SUPT20H: variants seen among roughly 807,000 people sequenced by gnomAD.
SUPT20H encodes SPT20 homolog, SAGA complex component.
A neutral mutation model predicts 122.8 loss-of-function variants in SUPT20H; 82 were observed. The observed-to-expected ratio is 0.67, with a 90% CI of 0.56 to 0.80. The LOEUF (loss-of-function observed/expected upper bound fraction) is 0.80, where lower values mean the gene tolerates loss of function less well. Ranked by LOEUF, SUPT20H falls within the 30% of genes least tolerant of loss-of-function variation. SUPT20H has a pLI of 0.00. For synonymous variants in SUPT20H, 291 were observed against 313.0 expected (o/e 0.93, Z 0.74); for missense variants, 831 against 921.6 (o/e 0.90, Z 1.27).
chr13:37,009,370 CTAAA>C lies in SUPT20H; in HGVS notation c.*298_*301del, dbSNP rs1248649164. The stretch of plus-strand genomic sequence containing the variant: ...TAACACTGTGCACAAACGTTTTATA[CTAAA>C]TAAATATCAAACTACATTCTTCTGA... On this transcript the variant is annotated 3_prime_UTR_variant, in exon 26 of 26. Coordinates refer to ENST00000350612, the MANE Select transcript of SUPT20H (RefSeq NM_001014286.3). 3.5e-6 allele frequency: 3 copies of C among 854,028 alleles called. No homozygotes were observed. The highest frequency in any genetic ancestry group is 5.2e-5 in the East Asian group (2 of 38,448). 52.9% of individuals were successfully genotyped at this position (854,028 alleles called of 1,614,324 possible).
At chr13:37,038,620 T>C (rs931162562) in intron 9 of SUPT20H, 1 of 152,268 alleles carries the variant, frequency 6.6e-6, no homozygotes, top group Non-Finnish European at 1.5e-5. Flanking sequence ...ATATTTTCTT[T>C]TGACTTAGTA....
At chr13:37,056,251 C>G (rs1447376972) in intron 1 of SUPT20H, among the ~76,000 whole-genome samples, 1 of 152,288 alleles carries the variant, frequency 6.6e-6, no homozygotes, top group East Asian at 1.9e-4. Flanking sequence ...TTGACCCAGC[C>G]ATCCCATTAC....
intron 5 of SUPT20H, chr13:37,046,790 G>A (rs1328555982): frequency 6.6e-6 from 1 of 152,084 alleles, no homozygotes; most frequent in Non-Finnish European, 1.5e-5. Flanking sequence ...TGTCAAGTAT[G>A]TATCAGTAGA....
chr13:37,038,979 C>A (rs1458591907), intron 9 of SUPT20H: 1 of 152,144 alleles, frequency 6.6e-6, no homozygotes, highest in Non-Finnish European at 1.5e-5. Context: ...AGAAGAATGC[C>A]TCAAAGAAAG....
chr13:37,016,270 CA>C (rs998114200), intron 23 of SUPT20H, among the ~76,000 whole-genome samples: 7 of 147,676 alleles, frequency 4.7e-5, no homozygotes, highest in African/African-American at 1.2e-4. Flanking sequence ...ACTAAAAATA[CA>C]AAAAAAAAAT....
chr13:37,026,323 T>C, intron 15 of SUPT20H, 87 bp from the exon 16 acceptor site: 2 of 1,038,562 alleles, frequency 1.9e-6, no homozygotes, highest in South Asian at 5.7e-5. Flanking sequence ...GAATCTTCCA[T>C]GTTTTAGTCA....
chr13:37,056,107 AGGAAACAACAGGTGCT>A (rs762792234), intron 1 of SUPT20H, among the ~76,000 whole-genome samples: 2 of 152,224 alleles, frequency 1.3e-5, no homozygotes, highest in Non-Finnish European at 2.9e-5. Context: ...TTAAAAAGTC[AGGAAACAACAGGTGCT>A]GGAGAGGATG....
chr13:37,016,944 T>C (rs1044242827), intron 23 of SUPT20H, among the ~76,000 whole-genome samples: 1 of 152,276 alleles, frequency 6.6e-6, no homozygotes, highest in African/African-American at 2.4e-5. Flanking sequence ...AGAAAATACA[T>C]GAGTGATAGG....
intron 2 of SUPT20H, 147 bp from the exon 3 acceptor site, chr13:37,048,746 T>C (rs2067004188): frequency 3.5e-6 from 2 of 568,198 alleles, no homozygotes; most frequent in Non-Finnish European, 5.9e-6. Context: ...GATCAATATA[T>C]ATATAACAAA....
intron 22 of SUPT20H, among the ~76,000 whole-genome samples, chr13:37,018,824 C>A (rs937466339): frequency 1.3e-5 from 2 of 152,034 alleles, no homozygotes; most frequent in African/African-American, 4.8e-5. Flanking sequence ...GCTTGGCTAA[C>A]TTTTTGTAGT....
At chr13:37,021,293 C>T (rs1393868620) in intron 21 of SUPT20H, among the ~76,000 whole-genome samples, 155 bp downstream of exon 21, 1 of 152,186 alleles carries the variant, frequency 6.6e-6, no homozygotes, top group Non-Finnish European at 1.5e-5. Flanking sequence ...ATTCAAATGC[C>T]AGAACTTTTA....
Position 37,045,253 on chromosome 13 carries a change from C to T in SUPT20H, c.286G>A (p.Gly96Arg), listed in dbSNP as rs753645061. ...GTGCTCTAGAGGGTCTTACCTGATC[C>T]GTTTTTTCCCCTGAGCATCAGAGAA... Reference protein sequence around the residue: ...GYSLMLRGKNGSDSETIRLPY... With the variant: ...GYSLMLRGKNRSDSETIRLPY... Residue 96 changes from glycine (G) to arginine (R), a missense_variant, in exon 6 of 26, where the codon GGA becomes AGA. Coordinates refer to ENST00000350612, the MANE Select transcript of SUPT20H (RefSeq NM_001014286.3). 30 of 1,613,360 alleles carry T rather than the reference C, an allele frequency of 1.9e-5. No homozygotes were observed. The highest frequency in any genetic ancestry group is 2.7e-5 in the African/African-American group (2 of 74,872).
chr13:37,013,754 C>A (rs1158823729), intron 23 of SUPT20H: 2 of 152,020 alleles, frequency 1.3e-5, no homozygotes, highest in African/African-American at 2.4e-5. Flanking sequence ...TCAAAAGTTA[C>A]ATTTATCTTG....
rs1482490761 is a variant in SUPT20H at position 37,059,607 on chromosome 13, G to T, written c.-142C>A. The T allele has an allele frequency of 6.6e-6, 1 of 152,420 alleles. No individual in the cohort carries two copies. The highest frequency in any genetic ancestry group is 1.5e-5 in the Non-Finnish European group (1 of 68,066). 9.4% of individuals were successfully genotyped at this position (152,420 alleles called of 1,614,324 possible). A position where few individuals can be genotyped will look rare whatever the true frequency, so the allele number is the denominator to read the frequency against. On this transcript the variant is annotated 5_prime_UTR_variant, in exon 1 of 26. Coordinates refer to ENST00000350612, the MANE Select transcript of SUPT20H (RefSeq NM_001014286.3). The stretch of plus-strand genomic sequence containing the variant: ...GGCCCCAAGACGGCGCCGCCTGCTC[G>T]GCAGCAAAGCCCACCCGCCCCGTCG...
In SUPT20H at chr13:37,009,654, C is replaced by T. The variant is rs751828292; in HGVS notation, c.*18G>A. ...TGCTCTTGTGTTTTTAAAAAAGGAA[C>T]AAAAAGTAATGCAAGACTCAAAATT... On this transcript the variant is annotated 3_prime_UTR_variant, in exon 26 of 26. Transcript: ENST00000350612. The T allele has an allele frequency of 9.4e-5, 152 of 1,612,156 alleles. 1 individual carries two copies. In the Middle Eastern group the frequency reaches 9.9e-4, roughly 10 times the overall value.
At chr13:37,040,339 G>T in intron 9 of SUPT20H, 66 bp downstream of exon 9, 1 of 1,334,142 alleles carries the variant, frequency 7.5e-7, no homozygotes, top group Non-Finnish European at 1.0e-6. Flanking sequence ...AATCACTTTT[G>T]CTTAATGATA....
chr13:37,026,688 A>G, intron 15 of SUPT20H, 102 bp downstream of exon 15: 3 of 698,522 alleles, frequency 4.3e-6, no homozygotes, highest in Non-Finnish European at 6.8e-6. Flanking sequence ...AAGTATACAT[A>G]TTTATCACTG....
At position 37,025,317 on chromosome 13, in the gene SUPT20H, C is replaced by T. The variant is rs547834525; in HGVS notation, c.1329+3G>A. 1.3e-6 allele frequency: 2 copies of T among 1,588,960 alleles called. No individual in the cohort carries two copies. The highest frequency in any genetic ancestry group is 2.2e-5 in the East Asian group (1 of 44,750). ...ACAAAGAAGTAACATTAATGAAACACACATCTGTTTCTTTCCCTGGAGAAA... is the reference window on the plus strand; with the variant it reads ...ACAAAGAAGTAACATTAATGAAACATACATCTGTTTCTTTCCCTGGAGAAA... On this transcript the variant is annotated splice_donor_region_variant and intron_variant, in intron 17 of 25. Coordinates refer to ENST00000350612, the MANE Select transcript of SUPT20H (RefSeq NM_001014286.3).
At chr13:37,029,980 T>G in intron 12 of SUPT20H, 144 bp from the exon 13 acceptor site, 1 of 580,600 alleles carries the variant, frequency 1.7e-6, no homozygotes, top group Non-Finnish European at 2.8e-6. Flanking sequence ...ATTACCGGTA[T>G]CAACTACTTA....
Sources: gnomAD v4.1 joint callset for allele counts (sites outside exome capture counted in the v4.1 genomes callset) on GRCh38, gnomAD v4.1.1 for gene constraint, MANE v1.5 for transcripts, NCBI Gene and HGNC (gene_info 2026-07-23, HGNC 2026-07-21) for gene names.